The following SAMMSON variants were observed in gnomAD, a reference collection of about 807,000 sequenced individuals.
The protein encoded by SAMMSON is long intergenic non-protein coding RNA 1212.
At chr3:70,307,885 C>T (rs1459693528) in intron 7 of SAMMSON, among the ~76,000 whole-genome samples, 1 of 152,124 alleles carries the variant, frequency 6.6e-6, no homozygotes, top group Non-Finnish European at 1.5e-5. Flanking sequence ...GCCAATATGC[C>T]CATTTCCCTA....
At chr3:70,147,984 C>G (rs1221707447) in intron 4 of SAMMSON, among the ~76,000 whole-genome samples, 1 of 151,920 alleles carries the variant, frequency 6.6e-6, no homozygotes, top group Non-Finnish European at 1.5e-5. Flanking sequence ...AAAATTTGGA[C>G]AATTTACCAA....
rs182944637 is a variant in SAMMSON, at chr3:70,283,675, A to G, written n.675-7504A>G. ...CTTTTGGAGCTATTTTCACAATAAC[A>G]TTTGGGTTTGGATGACTGCATTTCA... On this transcript the variant is annotated intron_variant and non_coding_transcript_variant, in intron 6 of 9. Coordinates refer to ENST00000642114, the Ensembl canonical transcript of SAMMSON. 2.0e-5 allele frequency: 3 copies of G among 151,996 alleles called. No homozygotes were observed. In the East Asian group the frequency reaches 5.8e-4, roughly 30 times the overall value. The allele number at this position is 151,996 out of a possible 1,614,324, so 9.4% of individuals were successfully genotyped here. A position where few individuals can be genotyped will look rare whatever the true frequency, so the allele number is the denominator to read the frequency against.
chr3:70,286,560 A>G lies in SAMMSON; in HGVS notation n.675-4619A>G, dbSNP rs1702165925. Among the ~76,000 whole-genome samples the G allele has an allele frequency of 2.6e-5, 4 of 151,782 alleles. No individual in the cohort carries two copies. In the South Asian group the frequency reaches 8.4e-4, roughly 32 times the overall value. ...GATGCGGGCTCTTTTTTGGTTCTAT[A>G]TGAACTTTAAAGTAGTTTTTTCCAA... On this transcript the variant is annotated intron_variant and non_coding_transcript_variant, in intron 6 of 9. Transcript: ENST00000642114.
chr3:70,044,729 T>A (rs1289819034), intron 3 of SAMMSON, among the ~76,000 whole-genome samples: 1 of 151,664 alleles, frequency 6.6e-6, no homozygotes, highest in Non-Finnish European at 1.5e-5. Flanking sequence ...CAATATTTAT[T>A]GTAGCATTGA....
intron 4 of SAMMSON, chr3:70,126,280 G>A (rs13327169): frequency 0.31 from 334,376 of 1,064,744 alleles, 58,860 homozygotes; most frequent in East Asian, 0.66. Context: ...TCAGAGACTG[G>A]AGTGGGACAT....
At chr3:70,347,558 A>G (rs2106732742) in intron 7 of SAMMSON, among the ~76,000 whole-genome samples, 1 of 152,256 alleles carries the variant, frequency 6.6e-6, no homozygotes, top group South Asian at 2.1e-4. Context: ...TCCTCTCATC[A>G]CACACTAGAA....
chr3:70,029,137 A>G (rs1576102060), intron 3 of SAMMSON, among the ~76,000 whole-genome samples: 3 of 152,344 alleles, frequency 2.0e-5, no homozygotes, highest in African/African-American at 4.8e-5. Flanking sequence ...GTATCAAGTC[A>G]TAGACTGGAC....
At chr3:70,157,816 T>C (rs1007968594) in intron 4 of SAMMSON, among the ~76,000 whole-genome samples, 7 of 152,088 alleles carry the variant, frequency 4.6e-5, no homozygotes, top group African/African-American at 1.7e-4. Context: ...ATTGACCCAA[T>C]TTTACAGATG....
intron 6 of SAMMSON, among the ~76,000 whole-genome samples, chr3:70,257,676 G>A (rs960209904): frequency 2.0e-5 from 3 of 152,136 alleles, no homozygotes; most frequent in Non-Finnish European, 4.4e-5. Flanking sequence ...CTAAATTAAT[G>A]GAGATACATA....
chr3:70,348,599 T>C (rs1358643547), intron 7 of SAMMSON, among the ~76,000 whole-genome samples: 1 of 152,110 alleles, frequency 6.6e-6, no homozygotes, highest in Non-Finnish European at 1.5e-5. Context: ...TACTATCACA[T>C]TGGAGACTAG....
At chr3:70,253,973 AG>A (rs1701791761) in intron 6 of SAMMSON, among the ~76,000 whole-genome samples, 1 of 152,212 alleles carries the variant, frequency 6.6e-6, no homozygotes, top group Non-Finnish European at 1.5e-5. Context: ...GGCATAATAT[AG>A]CTAGCTCAGA....
chr3:70,421,959 T>G (rs541883468), intron 2 of SAMMSON, among the ~76,000 whole-genome samples: 128 of 152,220 alleles, frequency 8.4e-4, no homozygotes, highest in African/African-American at 3.0e-3. Flanking sequence ...TGGAATTGAC[T>G]AATGTCTGGT....
intron 2 of SAMMSON, among the ~76,000 whole-genome samples, chr3:70,430,971 A>G (rs1701408561): frequency 6.6e-6 from 1 of 152,138 alleles, no homozygotes; most frequent in Admixed American, 6.5e-5. Context: ...AGAAATTAAT[A>G]TATTTCAACT....
intron 4 of SAMMSON, chr3:70,249,051 G>A (rs1445696580): frequency 6.6e-6 from 1 of 152,154 alleles, no homozygotes; most frequent in Non-Finnish European, 1.5e-5. Flanking sequence ...AAATGAGGAA[G>A]TGGAGGTCCC....
chr3:70,394,126 G>T (rs988243883), downstream of SAMMSON, among the ~76,000 whole-genome samples: 9 of 152,286 alleles, frequency 5.9e-5, no homozygotes, highest in African/African-American at 1.9e-4. Flanking sequence ...GATTGGCTCT[G>T]GGAGTGGTGA....
At chr3:70,174,894 G>A (rs1315934898) in intron 4 of SAMMSON, among the ~76,000 whole-genome samples, 1 of 151,932 alleles carries the variant, frequency 6.6e-6, no homozygotes, top group Non-Finnish European at 1.5e-5. Context: ...ATATTTTCAT[G>A]TACAGTTTAT....
At chr3:70,246,054 G>A (rs1262379603) in intron 4 of SAMMSON, among the ~76,000 whole-genome samples, 1 of 151,542 alleles carries the variant, frequency 6.6e-6, no homozygotes, top group Non-Finnish European at 1.5e-5. Context: ...GACAGATAGA[G>A]AGTTCTTTTA....
At chr3:70,232,316 C>G (rs560333611) in intron 4 of SAMMSON, among the ~76,000 whole-genome samples, 1 of 152,252 alleles carries the variant, frequency 6.6e-6, no homozygotes, top group Admixed American at 6.5e-5. Context: ...CATCTTCAAC[C>G]TTTATCCTCA....
chr3:70,365,964 C>A, intron 9 of SAMMSON, among the ~76,000 whole-genome samples: 1 of 75,204 alleles, frequency 1.3e-5, no homozygotes, highest in East Asian at 3.1e-4. Context: ...TTGTGCTTTA[C>A]CTTTTCTTTT....
Sources: allele counts gnomAD v4.1 joint callset (sites outside exome capture counted in the v4.1 genomes callset), GRCh38; gene constraint gnomAD v4.1.1; transcripts MANE v1.5; gene names NCBI Gene and HGNC (gene_info 2026-07-23, HGNC 2026-07-21).